The following CPED1 variants were observed in gnomAD, a reference collection of about 807,000 sequenced individuals.
CPED1 encodes the protein cadherin-like and PC-esterase domain-containing protein 1.
CPED1 carries 114 observed loss-of-function variants against 128.2 expected under a neutral mutation model. That is an observed-to-expected ratio of 0.89 (90% confidence interval 0.76 to 1.04). The LOEUF is 1.04. Among genes scored for constraint, CPED1 ranks in the 50% least tolerant of loss-of-function variants. CPED1 has a pLI of 0.00. For missense variants in CPED1, 1,211 were observed against 1,207.1 expected, an observed-to-expected ratio of 1.00 and a Z score of -0.05; for synonymous variants, 462 against 426.7, an observed-to-expected ratio of 1.08 and a Z score of -1.02.
intron 3 of CPED1, among the ~76,000 whole-genome samples, chr7:121,037,744 A>G (rs1792936463): frequency 6.6e-6 from 1 of 152,164 alleles, no homozygotes; most frequent in Admixed American, 6.5e-5. Flanking sequence ...TCATTTTGAC[A>G]GTATTAATTC....
chr7:121,098,249 C>G (rs1794749595), intron 6 of CPED1, among the ~76,000 whole-genome samples: 1 of 151,858 alleles, frequency 6.6e-6, no homozygotes, highest in Admixed American at 6.6e-5. Flanking sequence ...TCAAGTTATC[C>G]AAGTTTTCTC....
At chr7:120,999,951 C>T (rs1355320546) in intron 2 of CPED1, among the ~76,000 whole-genome samples, 1 of 152,136 alleles carries the variant, frequency 6.6e-6, no homozygotes, top group Non-Finnish European at 1.5e-5. Flanking sequence ...GTCATTCTCT[C>T]TTGTTTTTTC....
intron 15 of CPED1, 138 bp from the exon 16 acceptor site, chr7:121,141,835 G>T: frequency 3.4e-6 from 2 of 580,410 alleles, no homozygotes; most frequent in Non-Finnish European, 5.8e-6. Flanking sequence ...TCATAGTTTA[G>T]GTTTCTTATG....
chr7:121,108,101 A>G (rs1225600567), intron 7 of CPED1, among the ~76,000 whole-genome samples: 1 of 152,094 alleles, frequency 6.6e-6, no homozygotes, highest in African/African-American at 2.4e-5. Context: ...CAATTACTGT[A>G]TTGCCCCCTA....
intron 17 of CPED1, among the ~76,000 whole-genome samples, chr7:121,243,261 T>G (rs1798444537): frequency 6.6e-6 from 1 of 152,032 alleles, no homozygotes; most frequent in African/African-American, 2.4e-5. Context: ...AGGAGAGAAA[T>G]AACCACTCCA....
At chr7:120,994,832 T>G (rs575637892) in intron 2 of CPED1, among the ~76,000 whole-genome samples, 94 of 152,258 alleles carry the variant, frequency 6.2e-4, no homozygotes, top group African/African-American at 2.3e-3. Flanking sequence ...CATAAGTGTA[T>G]TAGAGAGAAA....
At chr7:121,292,867 T>C (rs1015143375) in intron 22 of CPED1, among the ~76,000 whole-genome samples, 4 of 152,138 alleles carry the variant, frequency 2.6e-5, no homozygotes, top group Admixed American at 6.5e-5. Flanking sequence ...ACAGCAAAGA[T>C]TGCTGCCTGC....
chr7:121,073,212 CAA>C (rs992810243), intron 5 of CPED1, among the ~76,000 whole-genome samples: 5 of 152,064 alleles, frequency 3.3e-5, no homozygotes, highest in Non-Finnish European at 7.4e-5. Flanking sequence ...CTAGAGAAAA[CAA>C]TATGTTATTA....
intron 7 of CPED1, among the ~76,000 whole-genome samples, chr7:121,103,006 T>C (rs188476364): frequency 1.3e-5 from 2 of 152,290 alleles, no homozygotes; most frequent in African/African-American, 4.8e-5. Context: ...AAAGTATTTT[T>C]CCTCTTTGTA....
chr7:121,133,863 GTGCCATTTGA>G lies in CPED1; in HGVS notation c.1622_1631del (p.Pro541GlnfsTer2). On this transcript the variant is annotated frameshift_variant, in exon 13 of 23. Transcript: ENST00000310396. LOFTEE classifies it high-confidence loss of function. ...AGATAAGAACATTGAAAAACCACAA[GTGCCATTTGA>G]TGCAATAGAAAATAAAAAAGGTAAA... The G allele has an allele frequency of 6.3e-7, 1 of 1,598,688 alleles. No individual in the cohort carries two copies. Among genetic ancestry groups the G allele is most frequent in the Non-Finnish European group, 8.5e-7 (1 of 1,169,722 alleles).
In CPED1 at chr7:121,297,130, A is replaced by G. The variant is rs1792838348; in HGVS notation, c.*1478A>G. 6.6e-6 allele frequency: 1 copy of G among 151,278 alleles called. No homozygotes were observed. Among genetic ancestry groups the G allele is most frequent in the Non-Finnish European group, 1.5e-5 (1 of 67,922 alleles). 9.4% of individuals were successfully genotyped at this position (151,278 alleles called of 1,614,324 possible). On this transcript the variant is annotated 3_prime_UTR_variant, in exon 23 of 23. Transcript: ENST00000310396. ...GCATCTTACAGATGATAATTTTTTT[A>G]GAAGAATGATACAGAATTAACTTTA...
intron 22 of CPED1, among the ~76,000 whole-genome samples, chr7:121,279,736 C>A (rs1490206564): frequency 6.6e-6 from 1 of 152,146 alleles, no homozygotes; most frequent in Non-Finnish European, 1.5e-5. Context: ...GAATCTATAT[C>A]ATCACATACA....
At chr7:120,992,678 C>T (rs940105349) in intron 2 of CPED1, among the ~76,000 whole-genome samples, 4 of 152,140 alleles carry the variant, frequency 2.6e-5, no homozygotes, top group Admixed American at 2.0e-4. Context: ...TTAGTGTTTG[C>T]AGGGATAAAT....
chr7:121,068,300 A>T (rs1021091686), intron 5 of CPED1, among the ~76,000 whole-genome samples: 1 of 152,202 alleles, frequency 6.6e-6, no homozygotes, highest in Non-Finnish European at 1.5e-5. Context: ...TATAAGGTAT[A>T]AGGAAGGGAT....
chr7:121,120,790 A>T (rs755859467), intron 7 of CPED1, among the ~76,000 whole-genome samples: 2 of 152,042 alleles, frequency 1.3e-5, no homozygotes, highest in Non-Finnish European at 2.9e-5. Flanking sequence ...GCAAGAGATA[A>T]GCATGCCGTC....
intron 16 of CPED1, among the ~76,000 whole-genome samples, chr7:121,192,120 C>G (rs1166180315): frequency 3.9e-5 from 6 of 152,106 alleles, no homozygotes; most frequent in African/African-American, 1.4e-4. Flanking sequence ...CAACTATTAA[C>G]TACCATGTCC....
At chr7:121,025,555 T>C (rs1364813256) in intron 3 of CPED1, among the ~76,000 whole-genome samples, 2 of 152,176 alleles carry the variant, frequency 1.3e-5, no homozygotes, top group Non-Finnish European at 2.9e-5. Context: ...ATGAAATGCA[T>C]GAGCCGTAGT....
At chr7:121,120,577 T>A (rs1440315630) in intron 7 of CPED1, among the ~76,000 whole-genome samples, 1 of 152,176 alleles carries the variant, frequency 6.6e-6, no homozygotes, top group Non-Finnish European at 1.5e-5. Context: ...CTGTTAAACA[T>A]GACATTCTGC....
chr7:120,996,735 A>G (rs867194977), intron 2 of CPED1, among the ~76,000 whole-genome samples: 5 of 152,210 alleles, frequency 3.3e-5, no homozygotes, highest in African/African-American at 1.2e-4. Context: ...AGAGTTCATC[A>G]GATTCCAAAA....
Sources: allele counts gnomAD v4.1 joint callset (sites outside exome capture counted in the v4.1 genomes callset), GRCh38; gene constraint gnomAD v4.1.1; transcripts MANE v1.5; gene names NCBI Gene and HGNC (gene_info 2026-07-23, HGNC 2026-07-21).